The following GPR83 variants were observed in gnomAD, a reference collection of about 807,000 sequenced individuals.
GPR83 encodes G protein-coupled receptor 83, also known as G-protein coupled receptor 72.
A neutral mutation model predicts 28.0 loss-of-function variants in GPR83; 23 were observed. The ratio of observed to expected loss-of-function variants is 0.82; its 90% confidence interval spans 0.59 to 1.16. The LOEUF (loss-of-function observed/expected upper bound fraction) is 1.16, where lower values mean the gene tolerates loss of function less well. Ranked by LOEUF, GPR83 falls within the 50% of genes most tolerant of loss-of-function variation. The pLI is 0.00. For synonymous variants in GPR83, 234 were observed against 215.4 expected, an observed-to-expected ratio of 1.09 and a Z score of -0.76; for missense variants, 610 against 536.6, an observed-to-expected ratio of 1.14 and a Z score of -1.35.
In GPR83 at chr11:94,396,672, G is replaced by T. The variant is rs1944870271; in HGVS notation, c.388-148C>A. Reference sequence around the variant, plus strand: ...TGATACTGAATTGTGGAGTAAACATGATTTTCTCCAGCACAACTCATTTTC... The same window carrying T: ...TGATACTGAATTGTGGAGTAAACATTATTTTCTCCAGCACAACTCATTTTC... On this transcript the variant is annotated intron_variant, in intron 1 of 3. Transcript: ENST00000243673. 1.3e-5 allele frequency: 9 copies of T among 704,512 alleles called. No homozygotes were observed. In the East Asian group the frequency reaches 2.1e-4, roughly 17 times the overall value. 43.6% of individuals were successfully genotyped at this position (704,512 alleles called of 1,614,324 possible).
In GPR83 at chr11:94,388,739, C is replaced by T. The variant is rs189867717; in HGVS notation, c.647+4746G>A. Among the ~76,000 whole-genome samples the T allele has an allele frequency of 3.1e-3, 466 of 152,258 alleles. 1 individual carries two copies. Among genetic ancestry groups the T allele is most frequent in the African/African-American group, 0.011 (449 of 41,540 alleles). On this transcript the variant is annotated intron_variant, in intron 3 of 3. Transcript: ENST00000243673. The stretch of plus-strand genomic sequence containing the variant: ...GGAAGAATCAGTATTGTGAAAATGG[C>T]CATACTGCCCAAGGTAATTTATAGA...
At chr11:94,391,115 C>T (rs1303216003) in intron 3 of GPR83, among the ~76,000 whole-genome samples, 2 of 152,076 alleles carry the variant, frequency 1.3e-5, no homozygotes, top group African/African-American at 2.4e-5. Flanking sequence ...GTTGCTGGTA[C>T]CAAAACAGAG....
chr11:94,384,892 G>C (rs1274392899), intron 3 of GPR83, among the ~76,000 whole-genome samples: 1 of 152,230 alleles, frequency 6.6e-6, no homozygotes, highest in South Asian at 2.1e-4. Flanking sequence ...AGAACGGATA[G>C]ACTGTCCTCA....
chr11:94,380,870 T>C (rs1019978593), intron 3 of GPR83, 97 bp from the exon 4 acceptor site: 2 of 1,045,890 alleles, frequency 1.9e-6, no homozygotes, highest in African/African-American at 1.6e-5. Context: ...CTCCTTCCAC[T>C]GGGCTCCTGG....
intron 3 of GPR83, among the ~76,000 whole-genome samples, chr11:94,382,263 A>G (rs1201795803): frequency 6.7e-6 from 1 of 150,312 alleles, no homozygotes; most frequent in Non-Finnish European, 1.5e-5. Context: ...GAGGCAGGAG[A>G]ACCCAGGAGG....
chr11:94,387,462 T>A (rs547857182), intron 3 of GPR83, among the ~76,000 whole-genome samples: 3 of 151,810 alleles, frequency 2.0e-5, no homozygotes, highest in South Asian at 4.2e-4. Flanking sequence ...GAGAGAAGAA[T>A]CAAATAGATG....
At chr11:94,397,611 G>T (rs1464513814) in intron 1 of GPR83, among the ~76,000 whole-genome samples, 1 of 152,172 alleles carries the variant, frequency 6.6e-6, no homozygotes, top group East Asian at 1.9e-4. Context: ...CTGTAAAATG[G>T]GCTAACCCTT....
intron 1 of GPR83, among the ~76,000 whole-genome samples, chr11:94,396,863 C>G (rs550332625): frequency 2.4e-5 from 3 of 124,562 alleles, no homozygotes; most frequent in African/African-American, 5.7e-5. Flanking sequence ...TCTGTTTCCT[C>G]ATTTGCAAAA....
chr11:94,400,745 G>A, intron 1 of GPR83, 116 bp downstream of exon 1: 1 of 828,022 alleles, frequency 1.2e-6, no homozygotes, highest in Admixed American at 2.4e-5. Context: ...AGAGAGATGT[G>A]GAGAGAGAAG....
At chr11:94,382,779 G>A (rs1327020684) in intron 3 of GPR83, among the ~76,000 whole-genome samples, 1 of 152,076 alleles carries the variant, frequency 6.6e-6, no homozygotes, top group African/African-American at 2.4e-5. Flanking sequence ...CCACGTAATT[G>A]GAAATAAAAC....
At chr11:94,393,979 C>T (rs775738423) in intron 2 of GPR83, among the ~76,000 whole-genome samples, 2 of 152,100 alleles carry the variant, frequency 1.3e-5, no homozygotes, top group Non-Finnish European at 2.9e-5. Flanking sequence ...CACTCAACAG[C>T]CCACCTCCAG....
intron 3 of GPR83, among the ~76,000 whole-genome samples, chr11:94,382,514 A>G (rs999279969): frequency 6.6e-6 from 1 of 152,166 alleles, no homozygotes; most frequent in Non-Finnish European, 1.5e-5. Flanking sequence ...CCAATACAGG[A>G]GCACCCAGAT....
rs1361669441 is a variant in GPR83, at chr11:94,383,248, C to T, written c.648-2475G>A. 4.6e-5 allele frequency among the ~76,000 whole-genome samples: 7 copies of T among 151,158 alleles called. No homozygotes were observed. The East Asian group carries it at 7.7e-4, about 17-fold the overall frequency. On this transcript the variant is annotated intron_variant, in intron 3 of 3. Coordinates refer to ENST00000243673, the MANE Select transcript of GPR83 (RefSeq NM_016540.4). ...TACGAAATGCCTACTGAGTAAATAA[C>T]GATATGAAGGTAGAAATAAAGAAGC...
At chr11:94,381,643 T>G (rs941346909) in intron 3 of GPR83, among the ~76,000 whole-genome samples, 6 of 151,660 alleles carry the variant, frequency 4.0e-5, no homozygotes, top group Admixed American at 2.0e-4. Context: ...ATCCCTGCAG[T>G]CTGGAGAACC....
chr11:94,378,794 G>A lies in GPR83; in HGVS notation c.*1355C>T, dbSNP rs1416520458. ...TGCTCCCTCATCTCTTGTGAAAACAGAACAATGTTTCACCACCACTTGTTT... is the reference window on the plus strand; with the variant it reads ...TGCTCCCTCATCTCTTGTGAAAACAAAACAATGTTTCACCACCACTTGTTT... On this transcript the variant is annotated 3_prime_UTR_variant, in exon 4 of 4. Transcript: ENST00000243673. The A allele has an allele frequency of 2.0e-5, 3 of 152,564 alleles. No homozygotes were observed. Among genetic ancestry groups the A allele is most frequent in the Non-Finnish European group, 2.9e-5 (2 of 68,034 alleles). 9.5% of individuals were successfully genotyped at this position (152,564 alleles called of 1,614,324 possible).
rs1944839258 is a variant in GPR83, at chr11:94,393,591, T to C, written c.541A>G (p.Ile181Val). The C allele has an allele frequency of 6.2e-7, 1 of 1,613,910 alleles. No homozygotes were observed. The highest frequency in any genetic ancestry group is 1.3e-5 in the African/African-American group (1 of 75,012). Reference sequence around the variant, plus strand: ...TAGATGACACCCTTTGTGATTGAGATCCGGGGTTTCAAGGGGTGCATGATG... The same window carrying C: ...TAGATGACACCCTTTGTGATTGAGACCCGGGGTTTCAAGGGGTGCATGATG... ...QVIMHPLKPR[I>V]SITKGVIYIA... Residue 181 changes from isoleucine (I) to valine (V), a missense_variant, in exon 3 of 4, where the codon ATC becomes GTC. By Grantham distance (29) the Ile-to-Val change is conservative. Transcript: ENST00000243673.
intron 3 of GPR83, among the ~76,000 whole-genome samples, chr11:94,389,166 A>T (rs1039456418): frequency 6.6e-6 from 1 of 152,234 alleles, no homozygotes; most frequent in Non-Finnish European, 1.5e-5. Flanking sequence ...CTTACACAAA[A>T]ATTAATTCAA....
At chr11:94,389,762 C>T (rs996795628) in intron 3 of GPR83, among the ~76,000 whole-genome samples, 12 of 152,264 alleles carry the variant, frequency 7.9e-5, no homozygotes, top group Non-Finnish European at 1.2e-4. Flanking sequence ...GTCAGTGTGG[C>T]GATTCCTCAG....
At chr11:94,387,393 G>A (rs189046574) in intron 3 of GPR83, among the ~76,000 whole-genome samples, 9 of 152,234 alleles carry the variant, frequency 5.9e-5, no homozygotes, top group Admixed American at 5.9e-4. Context: ...CCAGGAGCTG[G>A]TTTTTTGAAA....
Sources: gnomAD v4.1 joint callset for allele counts (sites outside exome capture counted in the v4.1 genomes callset) on GRCh38, gnomAD v4.1.1 for gene constraint, MANE v1.5 for transcripts, NCBI Gene and HGNC (gene_info 2026-07-23, HGNC 2026-07-21) for gene names.